OOSP1: variants seen among roughly 807,000 people sequenced by gnomAD.
OOSP1 encodes oocyte secreted protein 1.
OOSP1 carries 11 observed loss-of-function variants against 5.7 expected under a neutral mutation model. The ratio of observed to expected loss-of-function variants is 1.94; its 90% CI spans 1.22 to 3.20. OOSP1 has a LOEUF of 3.20. OOSP1 is among the 30% of genes most tolerant of loss of function. The pLI, the probability that OOSP1 is intolerant of heterozygous loss-of-function variation, is 0.00. For missense variants in OOSP1, 83 were observed against 54.1 expected, an observed-to-expected ratio of 1.53 and a Z score of -1.67; for synonymous variants, 44 against 20.0, an observed-to-expected ratio of 2.20 and a Z score of -3.20.
chr11:59,941,728 T>C (rs1301745236), intron 1 of OOSP1, among the ~76,000 whole-genome samples: 1 of 152,182 alleles, frequency 6.6e-6, no homozygotes, highest in Admixed American at 6.5e-5. Flanking sequence ...CTGGGATAAA[T>C]GCCGAAGAGT....
chr11:59,954,612 A>G (rs1394193323), intron 4 of OOSP1, among the ~76,000 whole-genome samples: 1 of 149,740 alleles, frequency 6.7e-6, no homozygotes, highest in Non-Finnish European at 1.5e-5. Context: ...TTTCCACCAG[A>G]GAAAAGTGAA....
chr11:59,947,948 A>T (rs1235530724), intron 4 of OOSP1, 86 bp downstream of exon 4: 1 of 396,660 alleles, frequency 2.5e-6, no homozygotes, highest in Admixed American at 4.4e-5. Flanking sequence ...AGGAAATGGC[A>T]CACATTTGTG....
At chr11:59,951,672 T>C (rs185971520) in intron 4 of OOSP1, among the ~76,000 whole-genome samples, 4 of 151,882 alleles carry the variant, frequency 2.6e-5, no homozygotes, top group African/African-American at 7.2e-5. Flanking sequence ...ATGGTTTTTG[T>C]TGACAGGCTC....
At chr11:59,940,775 C>T (rs1478566418) in intron 1 of OOSP1, among the ~76,000 whole-genome samples, 1 of 152,150 alleles carries the variant, frequency 6.6e-6, no homozygotes, top group Non-Finnish European at 1.5e-5. Flanking sequence ...CTAATTGGTG[C>T]TCACAGATGT....
At chr11:59,955,949 T>A (rs1853990322) in intron 4 of OOSP1, among the ~76,000 whole-genome samples, 1 of 152,130 alleles carries the variant, frequency 6.6e-6, no homozygotes, top group Admixed American at 6.6e-5. Context: ...CTATTTTTAT[T>A]TATTTATTTT....
chr11:59,945,490 C>T (rs1366793882), intron 3 of OOSP1, among the ~76,000 whole-genome samples: 1 of 151,782 alleles, frequency 6.6e-6, no homozygotes, highest in Non-Finnish European at 1.5e-5. Flanking sequence ...ACCTGTAATC[C>T]CAGCACTTTG....
intron 4 of OOSP1, among the ~76,000 whole-genome samples, chr11:59,950,033 A>G (rs1853923535): frequency 6.6e-6 from 1 of 152,196 alleles, no homozygotes; most frequent in African/African-American, 2.4e-5. Flanking sequence ...CCCAGAGTCA[A>G]TAGCACTGAG....
intron 1 of OOSP1, among the ~76,000 whole-genome samples, chr11:59,940,331 T>G (rs968822316): frequency 6.6e-6 from 1 of 152,254 alleles, no homozygotes; most frequent in Non-Finnish European, 1.5e-5. Flanking sequence ...GAAGTAAAAG[T>G]TCAGGTAGAG....
chr11:59,945,278 A>G lies in OOSP1; in HGVS notation c.356+12A>G, dbSNP rs908784493. The G allele has an allele frequency of 1.0e-5, 7 of 702,968 alleles. No homozygotes were observed. The highest frequency in any genetic ancestry group is 2.6e-6 in the Non-Finnish European group (1 of 384,934). The allele number at this position is 702,968 out of a possible 1,614,324, so 43.5% of individuals were successfully genotyped here. On this transcript the variant is annotated intron_variant, in intron 3 of 4. Transcript: ENST00000646685. ...TGTGTCGTCCACAAGTGAGTATGGA[A>G]TGCCAAACCCCTGTCCTAGCCCCTG...
chr11:59,949,403 G>A (rs1853917431), intron 4 of OOSP1, among the ~76,000 whole-genome samples: 1 of 151,944 alleles, frequency 6.6e-6, no homozygotes, highest in African/African-American at 2.4e-5. Flanking sequence ...TGATGATTGA[G>A]GAAAGAGCTC....
chr11:59,952,301 A>G (rs1370730508), intron 4 of OOSP1, among the ~76,000 whole-genome samples: 5 of 152,164 alleles, frequency 3.3e-5, no homozygotes, highest in Non-Finnish European at 7.4e-5. Flanking sequence ...TATCTACCCA[A>G]AGGAAAATAA....
intron 4 of OOSP1, among the ~76,000 whole-genome samples, chr11:59,955,498 C>T (rs1853986609): frequency 6.6e-6 from 1 of 151,986 alleles, no homozygotes; most frequent in Non-Finnish European, 1.5e-5. Flanking sequence ...GATTTAATTG[C>T]TTTTTAAATA....
intron 1 of OOSP1, among the ~76,000 whole-genome samples, chr11:59,940,593 A>G (rs1211686076): frequency 6.6e-6 from 1 of 152,238 alleles, no homozygotes. Flanking sequence ...GAATAAATGC[A>G]TTGCAAATTG....
At chr11:59,955,883 C>T (rs367959006) in intron 4 of OOSP1, among the ~76,000 whole-genome samples, 167 of 152,312 alleles carry the variant, frequency 1.1e-3, no homozygotes, top group African/African-American at 3.7e-3. Flanking sequence ...CCTCCTATTT[C>T]GGCCTCCCAA....
intron 2 of OOSP1, among the ~76,000 whole-genome samples, chr11:59,943,694 A>G (rs895919593): frequency 6.6e-6 from 1 of 152,216 alleles, no homozygotes; most frequent in Admixed American, 6.5e-5. Context: ...ATGAGGGAGT[A>G]ACACTAATCA....
intron 3 of OOSP1, chr11:59,945,470 G>A (rs578185186): frequency 9.8e-6 from 6 of 610,456 alleles, no homozygotes; most frequent in South Asian, 1.6e-5. Context: ...GGCTGGGCAC[G>A]GTGGCTCACA....
At chr11:59,940,713 G>GC (rs1314106589) in intron 1 of OOSP1, among the ~76,000 whole-genome samples, 1 of 152,178 alleles carries the variant, frequency 6.6e-6, no homozygotes, top group African/African-American at 2.4e-5. Context: ...GGACTGTGAG[G>GC]CCACAGGTAC....
intron 3 of OOSP1, among the ~76,000 whole-genome samples, chr11:59,945,750 CAAAAAA>C (rs67604320): frequency 2.6e-4 from 12 of 45,848 alleles, no homozygotes; most frequent in East Asian, 9.5e-4. Context: ...GACTCTGTCT[CAAAAAA>C]AAAAAAAAAA....
At chr11:59,951,746 G>T (rs567299735) in intron 4 of OOSP1, among the ~76,000 whole-genome samples, 4 of 90,308 alleles carry the variant, frequency 4.4e-5, no homozygotes, top group Admixed American at 2.4e-4. Flanking sequence ...GTCTCATTCT[G>T]TCGCCAGGCT....
Sources: gnomAD v4.1 joint callset for allele counts (sites outside exome capture counted in the v4.1 genomes callset) on GRCh38, gnomAD v4.1.1 for gene constraint, MANE v1.5 for transcripts, NCBI Gene and HGNC (gene_info 2026-07-23, HGNC 2026-07-21) for gene names.